The following LARP7 variants were observed in gnomAD, a reference collection of about 807,000 sequenced individuals.
LARP7 encodes the protein La ribonucleoprotein 7, transcriptional regulator, also known as la-related protein 7.
Under a neutral mutation model 69.3 loss-of-function variants are expected in LARP7, and 52 were observed. The observed-to-expected ratio is 0.75, with a 90% CI of 0.60 to 0.95. LARP7 has a LOEUF of 0.95. Among genes scored for constraint, LARP7 ranks in the 40% least tolerant of loss-of-function variants. The pLI, the probability that LARP7 is intolerant of heterozygous loss-of-function variation, is 0.00. For missense variants in LARP7, 733 were observed against 673.0 expected, an observed-to-expected ratio of 1.09 and a Z score of -0.99; for synonymous variants, 254 against 215.9, an observed-to-expected ratio of 1.18 and a Z score of -1.55.
In LARP7 at chr4:112,637,248, C is replaced by G. The variant is rs561291378; in HGVS notation, c.-3+9C>G. 6.6e-6 allele frequency: 1 copy of G among 152,252 alleles called. No individual in the cohort carries two copies. Among genetic ancestry groups the G allele is most frequent in the Non-Finnish European group, 1.5e-5 (1 of 68,056 alleles). 9.4% of individuals were successfully genotyped at this position (152,252 alleles called of 1,614,324 possible). ...TTTGGGAGTCGAACGGAGTAAGTTACAAGCGGCCTATAGGGTCGCACAGCT... is the reference window on the plus strand; with the variant it reads ...TTTGGGAGTCGAACGGAGTAAGTTAGAAGCGGCCTATAGGGTCGCACAGCT... On this transcript the variant is annotated intron_variant, in intron 1 of 12. Transcript: ENST00000344442.
At chr4:112,643,493 A>C (rs527638650) in intron 1 of LARP7, among the ~76,000 whole-genome samples, 88 of 152,292 alleles carry the variant, frequency 5.8e-4, no homozygotes, top group African/African-American at 8.2e-4. Context: ...AACTTGAGGA[A>C]GGAGGGGGTT....
intron 4 of LARP7, 36 bp downstream of exon 4, chr4:112,646,707 G>T: frequency 6.4e-7 from 1 of 1,558,282 alleles, no homozygotes; most frequent in Non-Finnish European, 8.7e-7. Context: ...GTCAGAAACT[G>T]GCACAGAAAC....
rs58727958 is a variant in LARP7 at position 112,652,293 on chromosome 4, T to TCC, written c.1417-772_1417-771dup. 3.2e-3 allele frequency among the ~76,000 whole-genome samples: 313 copies of TCC among 97,226 alleles called. 9 individuals carry two copies. Among genetic ancestry groups the TCC allele is most frequent in the African/African-American group, 0.011 (197 of 17,898 alleles). The allele number at this position is 97,226 out of a possible 152,430, so 63.8% of individuals were successfully genotyped here. On this transcript the variant is annotated intron_variant, in intron 10 of 12. Coordinates refer to ENST00000344442, the MANE Select transcript of LARP7 (RefSeq NM_016648.4). ...AAAGGGAGGCAAGATAAATAAGATT[T>TCC]CCCCCCCCCCCCCATTTAGCAATCT...
chr4:112,649,141 A>C (rs1050508550), intron 8 of LARP7, among the ~76,000 whole-genome samples: 1 of 152,152 alleles, frequency 6.6e-6, no homozygotes, highest in Non-Finnish European at 1.5e-5. Flanking sequence ...TTTTGATTCA[A>C]GTAAATACTA....
In LARP7 at chr4:112,644,815, CA is replaced by C. The variant is rs1450988627; in HGVS notation, c.149del (p.Asn50IlefsTer12). ...AKQVDFWFGD[A>X]NLHKDRFLRE... is the part of the protein sequence containing the mutation. ...CAAGTGGACTTCTGGTTTGGGGATG[CA>C]AATCTTCACAAGGATAGATTTCTTC... On this transcript the variant is annotated frameshift_variant, in exon 2 of 13. Transcript: ENST00000344442. LOFTEE classifies it high-confidence loss of function. 6.2e-7 allele frequency: 1 copy of C among 1,607,328 alleles called. No homozygotes were observed. Among genetic ancestry groups the C allele is most frequent in the African/African-American group, 1.3e-5 (1 of 74,680 alleles).
chr4:112,639,478 C>T (rs2047871351), intron 1 of LARP7, among the ~76,000 whole-genome samples: 2 of 152,072 alleles, frequency 1.3e-5, no homozygotes, highest in Admixed American at 6.5e-5. Flanking sequence ...GATCCGCCCG[C>T]CTTGGCCTCC....
chr4:112,647,922 C>T, intron 8 of LARP7, 88 bp downstream of exon 8: 1 of 982,252 alleles, frequency 1.0e-6, no homozygotes, highest in Non-Finnish European at 1.6e-6. Context: ...AACAGAGTTG[C>T]ATATTAGCAA....
Position 112,653,253 on chromosome 4 carries a change from G to GT in LARP7, c.1576+20dup. 6.5e-7 allele frequency: 1 copy of GT among 1,540,662 alleles called. No individual in the cohort carries two copies. The highest frequency in any genetic ancestry group is 8.7e-7 in the Non-Finnish European group (1 of 1,149,878). ...TCCTTTCTGGTAAAACTTCATAGAC[G>GT]TTTCCTTTTTTTTTTGTTATCATCC... On this transcript the variant is annotated intron_variant, in intron 11 of 12. Coordinates refer to ENST00000344442, the MANE Select transcript of LARP7 (RefSeq NM_016648.4).
intron 7 of LARP7, 53 bp downstream of exon 7, chr4:112,647,602 T>G (rs1288694933): frequency 2.5e-5 from 37 of 1,460,234 alleles, no homozygotes; most frequent in Admixed American, 9.3e-5. Context: ...AATTAATTAG[T>G]TTTTAATTAA....
intron 1 of LARP7, chr4:112,644,220 C>A: frequency 6.1e-6 from 1 of 163,720 alleles, no homozygotes; most frequent in Non-Finnish European, 1.1e-5. Flanking sequence ...CCAGCCTGCA[C>A]AACAAAAGGG....
intron 7 of LARP7, 47 bp downstream of exon 7, chr4:112,647,596 A>G: frequency 6.8e-7 from 1 of 1,468,934 alleles, no homozygotes; most frequent in Non-Finnish European, 9.1e-7. Flanking sequence ...AATTTTAATT[A>G]ATTAGTTTTT....
Position 112,646,362 on chromosome 4 carries a change from T to C in LARP7, c.214T>C (p.Ser72Pro). 6.7e-7 allele frequency: 1 copy of C among 1,483,950 alleles called. No homozygotes were observed. Among genetic ancestry groups the C allele is most frequent in the Non-Finnish European group, 9.4e-7 (1 of 1,067,966 alleles). The allele number at this position is 1,483,950 out of a possible 1,614,324, so 91.9% of individuals were successfully genotyped here. Residue 72 changes from serine to proline, a missense_variant, in exon 3 of 13, where the codon TCA (serine) becomes CCA (proline). Ser to Pro is a moderately conservative substitution (Grantham distance 74). Coordinates refer to ENST00000344442, the MANE Select transcript of LARP7 (RefSeq NM_016648.4). ...TTCATTTTCTTTAGATGTTGATATA[T>C]CACTACTTGTGTCTTTTAACAAAAT... ...EKSRDGYVDI[S>P]LLVSFNKMKK...
Position 112,647,105 on chromosome 4 carries a change from C to T in LARP7, c.624C>T (p.Pro208=), listed in dbSNP as rs2048320824. 1 of 1,610,130 alleles carries T rather than the reference C, an allele frequency of 6.2e-7. No individual in the cohort carries two copies. ...TTCCTAAAACAGTGAAAAATAAGCCCATTCCAGCCTTAAGAGTTGTGGGTG... is the reference window on the plus strand; with the variant it reads ...TTCCTAAAACAGTGAAAAATAAGCCTATTCCAGCCTTAAGAGTTGTGGGTG... ...GIFPKTVKNK[P]IPALRVVEEK... is the part of the protein sequence containing the mutation. Residue 208 remains proline, a synonymous_variant, in exon 6 of 13, where the codon CCC becomes CCT. Transcript: ENST00000344442.
intron 10 of LARP7, among the ~76,000 whole-genome samples, chr4:112,652,292 TTC>T (rs561059050): frequency 0.016 from 1,992 of 122,766 alleles, 100 homozygotes; most frequent in African/African-American, 0.068. Context: ...TAAATAAGAT[TTC>T]CCCCCCCCCC....
At chr4:112,652,958 CATT>C (rs2048812027) in intron 10 of LARP7, 116 bp from the exon 11 acceptor site, 1 of 620,802 alleles carries the variant, frequency 1.6e-6, no homozygotes, top group Admixed American at 3.9e-5. Context: ...ATTTGCTCCT[CATT>C]AGACTGCAAA....
At chr4:112,648,467 G>T (rs2048495169) in intron 8 of LARP7, 1 of 533,936 alleles carries the variant, frequency 1.9e-6, no homozygotes, top group Non-Finnish European at 3.9e-6. Context: ...TTCTATTTTG[G>T]AGAAGTAAAT....
intron 2 of LARP7, 127 bp downstream of exon 2, chr4:112,644,998 G>A (rs1286757392): frequency 3.9e-6 from 1 of 259,620 alleles, no homozygotes; most frequent in Non-Finnish European, 6.4e-6. Flanking sequence ...CCAGGCTGGA[G>A]TGCAGTGGCA....
At position 112,639,448 on chromosome 4, in the gene LARP7, T is replaced by C. The variant is rs2047869055; in HGVS notation, c.-3+2209T>C. 3.9e-5 allele frequency among the ~76,000 whole-genome samples: 6 copies of C among 152,070 alleles called. No homozygotes were observed. In the South Asian group the frequency reaches 1.2e-3, roughly 32 times the overall value. ...GGTCTCACCTTGTTAGCCAGGATGG[T>C]CTCCATCTCCTGACCTCGTGATCCG... On this transcript the variant is annotated intron_variant, in intron 1 of 12. Transcript: ENST00000344442.
rs1024345012 is a variant in LARP7, at chr4:112,637,192, T to C, written c.-50T>C. 1 of 152,184 alleles carries C rather than the reference T, an allele frequency of 6.6e-6. No homozygotes were observed. Among genetic ancestry groups the C allele is most frequent in the Admixed American group, 6.5e-5 (1 of 15,278 alleles). The allele number at this position is 152,184 out of a possible 1,614,324, so 9.4% of individuals were successfully genotyped here. A position where few individuals can be genotyped will look rare whatever the true frequency, so the allele number is the denominator to read the frequency against. Reference sequence around the variant, plus strand: ...GACTATCAGGATCCGGAGACGGAAATGTCCGAAGGCCGCAGTACTTGACCC... The same window carrying C: ...GACTATCAGGATCCGGAGACGGAAACGTCCGAAGGCCGCAGTACTTGACCC... On this transcript the variant is annotated 5_prime_UTR_variant, in exon 1 of 13. It removes an upstream start codon present in the reference 5' UTR. Coordinates refer to ENST00000344442, the MANE Select transcript of LARP7 (RefSeq NM_016648.4).
Sources: allele counts gnomAD v4.1 joint callset (sites outside exome capture counted in the v4.1 genomes callset), GRCh38; gene constraint gnomAD v4.1.1; transcripts MANE v1.5; gene names NCBI Gene and HGNC (gene_info 2026-07-23, HGNC 2026-07-21).